Variants in IMMP2L observed in about 807,000 individuals in gnomAD.
The protein encoded by IMMP2L is inner mitochondrial membrane peptidase subunit 2.
IMMP2L carries 18 observed loss-of-function variants against 19.3 expected under a neutral mutation model. That is an observed-to-expected ratio of 0.93 (90% CI 0.64 to 1.38). The LOEUF (loss-of-function observed/expected upper bound fraction) is 1.38. Ranked by LOEUF, IMMP2L falls within the 40% of genes most tolerant of loss-of-function variation. The pLI is 0.00. For synonymous variants in IMMP2L, 76 were observed against 73.0 expected, an observed-to-expected ratio of 1.04 and a Z score of -0.21; for missense variants, 233 against 218.2, an observed-to-expected ratio of 1.07 and a Z score of -0.43.
intron 3 of IMMP2L, among the ~76,000 whole-genome samples, chr7:111,051,446 G>A (rs1793000676): frequency 6.6e-6 from 1 of 152,140 alleles, no homozygotes; most frequent in African/African-American, 2.4e-5. Flanking sequence ...GTCCTCTGAA[G>A]AGTCACATCT....
At chr7:110,755,487 T>C (rs993775891) in intron 5 of IMMP2L, among the ~76,000 whole-genome samples, 2 of 152,102 alleles carry the variant, frequency 1.3e-5, no homozygotes, top group Non-Finnish European at 2.9e-5. Context: ...GATATGCATA[T>C]TGTGTGATAG....
intron 3 of IMMP2L, among the ~76,000 whole-genome samples, chr7:111,006,735 C>T (rs764432600): frequency 3.9e-5 from 6 of 152,058 alleles, no homozygotes; most frequent in South Asian, 4.1e-4. Context: ...TCACCTTTTG[C>T]GTCTACTTTT....
chr7:111,478,790 C>T (rs567477931), intron 3 of IMMP2L, among the ~76,000 whole-genome samples: 1 of 152,190 alleles, frequency 6.6e-6, no homozygotes, highest in Non-Finnish European at 1.5e-5. Flanking sequence ...GAGACTGTTT[C>T]TATCCTTTCT....
chr7:111,556,121 G>A (rs969317133), intron 1 of IMMP2L, among the ~76,000 whole-genome samples: 3 of 148,846 alleles, frequency 2.0e-5, no homozygotes, highest in Non-Finnish European at 3.0e-5. Context: ...TAATATGTGT[G>A]CATACAGAGA....
At chr7:110,719,064 A>C (rs1795411167) in intron 5 of IMMP2L, among the ~76,000 whole-genome samples, 1 of 152,336 alleles carries the variant, frequency 6.6e-6, no homozygotes, top group South Asian at 2.1e-4. Context: ...TGCCTTTAGG[A>C]AACACTGAAG....
intron 5 of IMMP2L, among the ~76,000 whole-genome samples, chr7:110,795,712 A>G (rs1371942747): frequency 1.3e-5 from 2 of 152,078 alleles, no homozygotes; most frequent in Non-Finnish European, 2.9e-5. Context: ...GTACAACTGA[A>G]CCAGGGAATC....
chr7:111,549,650 A>T (rs1473160636), intron 1 of IMMP2L, among the ~76,000 whole-genome samples: 1 of 152,144 alleles, frequency 6.6e-6, no homozygotes, highest in Non-Finnish European at 1.5e-5. Flanking sequence ...GAGAAATAGT[A>T]AGATTCTGGC....
intron 3 of IMMP2L, among the ~76,000 whole-genome samples, chr7:111,007,185 GA>G (rs1473859762): frequency 6.6e-6 from 1 of 152,090 alleles, no homozygotes; most frequent in African/African-American, 2.4e-5. Context: ...GAGCGAAGGA[GA>G]AACTTCCAAA....
chr7:110,960,001 T>C (rs1227358753), intron 4 of IMMP2L, among the ~76,000 whole-genome samples: 1 of 151,990 alleles, frequency 6.6e-6, no homozygotes, highest in African/African-American at 2.4e-5. Context: ...GATCAAGCAT[T>C]GCAGTTTCAC....
At chr7:111,209,391 C>T in intron 3 of IMMP2L, among the ~76,000 whole-genome samples, 1 of 109,466 alleles carries the variant, frequency 9.1e-6, no homozygotes. Context: ...AGCGAGACTC[C>T]TTCTCAAAAA....
At chr7:111,163,687 A>G (rs1034591548) in intron 3 of IMMP2L, among the ~76,000 whole-genome samples, 4 of 152,004 alleles carry the variant, frequency 2.6e-5, no homozygotes, top group South Asian at 2.1e-4. Flanking sequence ...TAGATTTTCT[A>G]TAGGTTTTGT....
intron 3 of IMMP2L, among the ~76,000 whole-genome samples, chr7:111,373,119 T>TG (rs1204682785): frequency 6.7e-6 from 1 of 149,340 alleles, no homozygotes. Context: ...CATTAAGTGG[T>TG]GAAAAAAAAA....
At chr7:110,941,996 A>G (rs554825692) in intron 4 of IMMP2L, among the ~76,000 whole-genome samples, 4 of 151,962 alleles carry the variant, frequency 2.6e-5, no homozygotes, top group Non-Finnish European at 5.9e-5. Context: ...AATAAGCTGA[A>G]AAAACACAAC....
intron 3 of IMMP2L, among the ~76,000 whole-genome samples, chr7:111,331,240 T>C (rs1021193651): frequency 1.3e-5 from 2 of 151,950 alleles, no homozygotes; most frequent in African/African-American, 4.8e-5. Context: ...GAAATTCTAT[T>C]CAGCCCTTAA....
At chr7:110,963,372 T>A in intron 4 of IMMP2L, 128 bp downstream of exon 4, 1 of 641,150 alleles carries the variant, frequency 1.6e-6, no homozygotes, top group Non-Finnish European at 2.7e-6. Flanking sequence ...ACTAAAGATG[T>A]ACCAGCTCAT....
At chr7:110,984,493 T>C (rs763328147) in intron 3 of IMMP2L, among the ~76,000 whole-genome samples, 1 of 152,058 alleles carries the variant, frequency 6.6e-6, no homozygotes, top group African/African-American at 2.4e-5. Context: ...TTACGTTGCA[T>C]AAGAGGTAAA....
chr7:111,016,795 A>C lies in IMMP2L; in HGVS notation c.240-53230T>G, dbSNP rs1249826264. Reference sequence around the variant, plus strand: ...ATGCATATATAATATATACTATATAATATATAATATATACTATATATTATA... The same window carrying C: ...ATGCATATATAATATATACTATATACTATATAATATATACTATATATTATA... On this transcript the variant is annotated intron_variant, in intron 3 of 5. Coordinates refer to ENST00000405709, the MANE Select transcript of IMMP2L (RefSeq NM_032549.4). Among the ~76,000 whole-genome samples the C allele has an allele frequency of 1.4e-4, 10 of 72,994 alleles. No homozygotes were observed. The East Asian group carries it at 3.4e-3, about 25-fold the overall frequency. 47.9% of individuals were successfully genotyped at this position (72,994 alleles called of 152,430 possible).
chr7:111,186,538 C>G (rs1808282538), intron 3 of IMMP2L, among the ~76,000 whole-genome samples: 2 of 152,056 alleles, frequency 1.3e-5, no homozygotes, highest in South Asian at 4.1e-4. Flanking sequence ...CAGCGATTCT[C>G]CTGCTTCAGC....
intron 3 of IMMP2L, among the ~76,000 whole-genome samples, chr7:111,039,313 G>A (rs551211545): frequency 9.2e-5 from 14 of 152,136 alleles, no homozygotes; most frequent in Admixed American, 5.2e-4. Context: ...ATATAGTGTG[G>A]TCTATTTAGG....
Sources: allele counts gnomAD v4.1 joint callset (sites outside exome capture counted in the v4.1 genomes callset), GRCh38; gene constraint gnomAD v4.1.1; transcripts MANE v1.5; gene names NCBI Gene and HGNC (gene_info 2026-07-23, HGNC 2026-07-21).